Variants in SCAMP5 observed in about 807,000 individuals in gnomAD.
The protein encoded by SCAMP5 is secretory carrier-associated membrane protein 5.
In SCAMP5, 7 loss-of-function variants were observed where a neutral mutation model predicts 28.3. The observed-to-expected ratio is 0.25, with a 90% CI of 0.14 to 0.46. The LOEUF is 0.46. Ranked by LOEUF, SCAMP5 falls within the 20% of genes least tolerant of loss-of-function variation. The probability of loss-of-function intolerance (pLI) is 0.99; values close to 1 mark genes in which losing one functional copy is unlikely to be tolerated. For missense variants in SCAMP5, 192 were observed against 312.5 expected, an observed-to-expected ratio of 0.61 and a Z score of 2.91; for synonymous variants, 117 against 116.4, an observed-to-expected ratio of 1.00 and a Z score of -0.03.
In SCAMP5 at chr15:75,003,714, G is replaced by A. The variant is rs182851852; in HGVS notation, c.-49+8041G>A. ...ATTCCCAGCTACTTGGGAAGCTGAG[G>A]TGGGAGGATTGCTTGAGCCCAGGAG... On this transcript the variant is annotated intron_variant, in intron 1 of 6. Coordinates refer to ENST00000425597, the MANE Select transcript of SCAMP5 (RefSeq NM_138967.4). 2.8e-4 allele frequency among the ~76,000 whole-genome samples: 43 copies of A among 152,248 alleles called. No homozygotes were observed. In the East Asian group the frequency reaches 8.1e-3, roughly 29 times the overall value.
At chr15:75,011,668 C>T (rs922381508) in intron 1 of SCAMP5, 124 bp from the exon 2 acceptor site, 11 of 448,028 alleles carry the variant, frequency 2.5e-5, no homozygotes, top group Admixed American at 7.1e-5. Flanking sequence ...ATTGCATTCA[C>T]GGCACTGTGG....
intron 3 of SCAMP5, among the ~76,000 whole-genome samples, chr15:75,013,978 G>A (rs1406761375): frequency 6.6e-6 from 1 of 151,854 alleles, no homozygotes; most frequent in Admixed American, 6.6e-5. Flanking sequence ...ATGGGACTTG[G>A]CTGTGCTGAG....
intron 1 of SCAMP5, among the ~76,000 whole-genome samples, chr15:75,002,740 C>CT (rs528884221): frequency 2.3e-4 from 33 of 146,314 alleles, no homozygotes; most frequent in Admixed American, 6.2e-4. Context: ...TTCTGCTTGC[C>CT]TTTTTTTTTT....
chr15:75,018,567 C>A lies in SCAMP5; in HGVS notation c.513+32C>A. The stretch of plus-strand genomic sequence containing the variant: ...GGTCCCCTCAAGGGTGAGAAGGTGG[C>A]TTTGGGAAGGGGCCATGTTCTGAAA... On this transcript the variant is annotated intron_variant, in intron 6 of 6. Coordinates refer to ENST00000425597, the MANE Select transcript of SCAMP5 (RefSeq NM_138967.4). This position sits in a 1 kb window ranked among gnomAD's most constrained non-coding sequence, Gnocchi z 5.6. The A allele has an allele frequency of 6.8e-7, 1 of 1,466,314 alleles. No homozygotes were observed. Among genetic ancestry groups the A allele is most frequent in the Non-Finnish European group, 9.6e-7 (1 of 1,045,320 alleles). 90.8% of individuals were successfully genotyped at this position (1,466,314 alleles called of 1,614,324 possible).
chr15:75,011,048 T>A (rs1297012061), intron 1 of SCAMP5, among the ~76,000 whole-genome samples: 1 of 151,878 alleles, frequency 6.6e-6, no homozygotes, highest in Non-Finnish European at 1.5e-5. Context: ...TACAAAAAAA[T>A]ATAAAAATTA....
In SCAMP5 at chr15:74,996,526, G is replaced by T. The variant is rs940236582; in HGVS notation, c.-49+853G>T. Among the ~76,000 whole-genome samples, 2 of 152,198 alleles carry T rather than the reference G, an allele frequency of 1.3e-5. No homozygotes were observed. The highest frequency in any genetic ancestry group is 2.9e-5 in the Non-Finnish European group (2 of 68,040). On this transcript the variant is annotated intron_variant, in intron 1 of 6. Transcript: ENST00000425597. This position sits in a 1 kb window ranked among gnomAD's most constrained non-coding sequence, Gnocchi z 4.1. ...GAGAGAAAGGGAGGCGACAGCTAGC[G>T]AATAGGAGACTTCCAGAGGTGATGG...
chr15:75,018,688 G>C lies in SCAMP5; in HGVS notation c.514-101G>C. The C allele has an allele frequency of 3.8e-6, 4 of 1,052,252 alleles. 1 individual carries two copies. The South Asian group carries it at 5.3e-5, about 14-fold the overall frequency. The allele number at this position is 1,052,252 out of a possible 1,614,324, so 65.2% of individuals were successfully genotyped here. On this transcript the variant is annotated intron_variant, in intron 6 of 6. Transcript: ENST00000425597. The surrounding 1 kb of genome is among the most constrained non-coding windows in gnomAD (Gnocchi z 5.6). ...ACTCTCCTACAGAGGCATTCATGGG[G>C]AGGGAGCACTGTTTTTTTTTTACAG...
At chr15:75,016,829 CTTTTT>C in intron 4 of SCAMP5, 80 bp downstream of exon 4, 101 of 979,540 alleles carry the variant, frequency 1.0e-4, no homozygotes, top group South Asian at 2.5e-4. Flanking sequence ...TTTCTCACTT[CTTTTT>C]TTTTTTTTTT....
intron 1 of SCAMP5, among the ~76,000 whole-genome samples, chr15:75,001,773 G>A (rs962582958): frequency 6.6e-6 from 1 of 151,106 alleles, no homozygotes; most frequent in Admixed American, 6.6e-5. Flanking sequence ...GGGATGCTGA[G>A]GCAGGAGAAT....
rs564043625 is a variant in SCAMP5 at position 74,996,844 on chromosome 15, C to T, written c.-49+1171C>T. Among the ~76,000 whole-genome samples, 18 of 152,192 alleles carry T rather than the reference C, an allele frequency of 1.2e-4. No individual in the cohort carries two copies. The highest frequency in any genetic ancestry group is 2.5e-4 in the Non-Finnish European group (17 of 68,014). On this transcript the variant is annotated intron_variant, in intron 1 of 6. Coordinates refer to ENST00000425597, the MANE Select transcript of SCAMP5 (RefSeq NM_138967.4). This position sits in a 1 kb window ranked among gnomAD's most constrained non-coding sequence, Gnocchi z 4.1. ...TTAGGTTTGTTCTGGGCTTGGTGAG[C>T]CTTAGGGCAAAGTCTCTAGAGCTGA...
Position 75,018,040 on chromosome 15 carries a change from G to A in SCAMP5, c.395+69G>A. On this transcript the variant is annotated intron_variant, in intron 5 of 6. Transcript: ENST00000425597. The surrounding 1 kb of genome is among the most constrained non-coding windows in gnomAD (Gnocchi z 5.6). ...GTGGGTGTATCTTTTGCTTACCTTTGTGTGCTAAGCTGTCTAGCCTATGGG... is the reference window on the plus strand; with the variant it reads ...GTGGGTGTATCTTTTGCTTACCTTTATGTGCTAAGCTGTCTAGCCTATGGG... 3.0e-6 allele frequency: 3 copies of A among 987,418 alleles called. No individual in the cohort carries two copies. In the South Asian group the frequency reaches 4.0e-5, roughly 13 times the overall value. 61.2% of individuals were successfully genotyped at this position (987,418 alleles called of 1,614,324 possible). A position where few individuals can be genotyped will look rare whatever the true frequency, so the allele number is the denominator to read the frequency against.
At chr15:75,003,573 G>A (rs761576083) in intron 1 of SCAMP5, among the ~76,000 whole-genome samples, 1 of 152,206 alleles carries the variant, frequency 6.6e-6, no homozygotes, top group Non-Finnish European at 1.5e-5. Flanking sequence ...ACGTTGGGAA[G>A]CCAGGGCGGG....
intron 1 of SCAMP5, among the ~76,000 whole-genome samples, chr15:75,006,650 TGTG>T (rs2065762758): frequency 6.6e-6 from 1 of 151,666 alleles, no homozygotes; most frequent in South Asian, 2.1e-4. Context: ...ATTCGCCAGG[TGTG>T]GTGGCGGGCA....
Position 74,998,102 on chromosome 15 carries a change from A to G in SCAMP5, c.-49+2429A>G, listed in dbSNP as rs183713676. On this transcript the variant is annotated intron_variant, in intron 1 of 6. Transcript: ENST00000425597. ...TGCTGCCAGAGGCCTCAGTCTCCCC[A>G]CTGTGGGGGCTTCTGTCCTAGCTTC... Among the ~76,000 whole-genome samples, 262 of 152,302 alleles carry G rather than the reference A, an allele frequency of 1.7e-3. 2 individuals are homozygous for G. Among genetic ancestry groups the G allele is most frequent in the Non-Finnish European group, 1.5e-3 (101 of 68,012 alleles).
At chr15:75,013,051 C>A in intron 3 of SCAMP5, 1 of 536,574 alleles carries the variant, frequency 1.9e-6, no homozygotes. Flanking sequence ...CCTTCCCCTC[C>A]ACCCTCCTTT....
At position 75,009,251 on chromosome 15, in the gene SCAMP5, G is replaced by A. The variant is rs576171602; in HGVS notation, c.-48-2541G>A. On this transcript the variant is annotated intron_variant, in intron 1 of 6. Transcript: ENST00000425597. ...ATCCTTTGTTATTCAAAACAGTGCC[G>A]CAATTAATGCACCTGTGTATGGGTA... is the stretch of plus-strand genomic sequence containing the variant. Among the ~76,000 whole-genome samples the A allele has an allele frequency of 1.7e-4, 26 of 152,174 alleles. No homozygotes were observed. In the East Asian group the frequency reaches 4.8e-3, roughly 28 times the overall value.
chr15:75,018,345 TC>T lies in SCAMP5; in HGVS notation c.396-70del, dbSNP rs2065876144. ...TTTCCTCCCTGTGGCAATGAGACGG[TC>T]CCTTCCTCTAGCGGGGGGCTCCTGG... On this transcript the variant is annotated intron_variant, in intron 5 of 6. Coordinates refer to ENST00000425597, the MANE Select transcript of SCAMP5 (RefSeq NM_138967.4). The surrounding 1 kb of genome is among the most constrained non-coding windows in gnomAD (Gnocchi z 5.6). 2 of 888,476 alleles carry T rather than the reference TC, an allele frequency of 2.3e-6. No homozygotes were observed. Among genetic ancestry groups the T allele is most frequent in the Non-Finnish European group, 3.9e-6 (2 of 518,966 alleles). 55.0% of individuals were successfully genotyped at this position (888,476 alleles called of 1,614,324 possible).
chr15:75,016,749 A>G lies in SCAMP5; in HGVS notation c.293A>G (p.Lys98Arg). ...CWFRPIYKAF[K>R]TDSSFSFMAF... Reference sequence around the variant, plus strand: ...TTTCGGCCCATTTACAAGGCCTTCAAGTAAGTGGTTGGTGCTATCCGCAGT... The same window carrying G: ...TTTCGGCCCATTTACAAGGCCTTCAGGTAAGTGGTTGGTGCTATCCGCAGT... The change falls in exon 4 of 7, where the codon AAG becomes AGG. Residue 98 changes from lysine (K) to arginine (R), a missense_variant and splice_region_variant. Coordinates refer to ENST00000425597, the MANE Select transcript of SCAMP5 (RefSeq NM_138967.4). 6.2e-7 allele frequency: 1 copy of G among 1,612,856 alleles called. No individual in the cohort carries two copies. Among genetic ancestry groups the G allele is most frequent in the African/African-American group, 1.3e-5 (1 of 74,784 alleles).
chr15:75,016,690 C>T lies in SCAMP5; in HGVS notation c.234C>T (p.Leu78=), dbSNP rs1244319924. The T allele has an allele frequency of 3.1e-6, 5 of 1,613,974 alleles. No homozygotes were observed. The highest frequency in any genetic ancestry group is 3.4e-6 in the Non-Finnish European group (4 of 1,179,898). The stretch of plus-strand genomic sequence containing the variant: ...ACTTTGGCCTCGCCTTTCTCTGGCT[C>T]ATCCTCTTCACACCCTGCTCCTACG... ...ATNFGLAFLW[L]ILFTPCSYVC... Residue 78 remains leucine, a synonymous_variant, in exon 4 of 7, where the codon CTC becomes CTT. Transcript: ENST00000425597.
Sources: allele counts gnomAD v4.1 joint callset (sites outside exome capture counted in the v4.1 genomes callset), GRCh38; gene constraint gnomAD v4.1.1; non-coding constraint Gnocchi (gnomAD v3.1); transcripts MANE v1.5; gene names NCBI Gene and HGNC (gene_info 2026-07-23, HGNC 2026-07-21).